CTNNA3: variants seen among roughly 807,000 people sequenced by gnomAD.
CTNNA3 encodes catenin alpha 3.
CTNNA3 carries 76 observed loss-of-function variants against 95.7 expected under a neutral mutation model. The ratio of observed to expected loss-of-function variants is 0.79; its 90% CI spans 0.66 to 0.96. The LOEUF (loss-of-function observed/expected upper bound fraction) is 0.96. CTNNA3 is among the 40% of genes least tolerant of loss of function. CTNNA3 has a pLI of 0.00. For synonymous variants in CTNNA3, 431 were observed against 374.4 expected, an observed-to-expected ratio of 1.15 and a Z score of -1.74; for missense variants, 1,191 against 1,089.8, an observed-to-expected ratio of 1.09 and a Z score of -1.31.
intron 5 of CTNNA3, among the ~76,000 whole-genome samples, chr10:67,476,659 G>A (rs978499550): frequency 9.3e-5 from 14 of 150,238 alleles, no homozygotes; most frequent in African/African-American, 2.7e-4. Context: ...GCACCATGCC[G>A]ATTAAACTTC....
At chr10:67,664,113 T>C (rs925582157) in intron 1 of CTNNA3, among the ~76,000 whole-genome samples, 3 of 152,254 alleles carry the variant, frequency 2.0e-5, no homozygotes, top group Admixed American at 6.5e-5. Flanking sequence ...CAACAATTTA[T>C]TTTTTAAAAT....
chr10:66,730,451 C>A (rs115124701), intron 9 of CTNNA3, among the ~76,000 whole-genome samples: 1 of 152,114 alleles, frequency 6.6e-6, no homozygotes, highest in Non-Finnish European at 1.5e-5. Context: ...TGGAGCCTGT[C>A]GGCATGGGGT....
rs910757905 is a variant in CTNNA3, at chr10:67,371,102, T to G, written c.579+150740A>C. On this transcript the variant is annotated intron_variant, in intron 5 of 17. Coordinates refer to ENST00000433211, the MANE Select transcript of CTNNA3 (RefSeq NM_013266.4). Reference sequence around the variant, plus strand: ...TGGATGGTCTCGATCTCCTGACCTCTTGATCCGCCCGCCTCGGCCTCCCAA... The same window carrying G: ...TGGATGGTCTCGATCTCCTGACCTCGTGATCCGCCCGCCTCGGCCTCCCAA... Among the ~76,000 whole-genome samples the G allele has an allele frequency of 5.3e-5, 8 of 151,506 alleles. No individual in the cohort carries two copies. The South Asian group carries it at 6.2e-4, about 12-fold the overall frequency.
chr10:66,007,951 A>C (rs916540853), intron 15 of CTNNA3, among the ~76,000 whole-genome samples: 3 of 151,752 alleles, frequency 2.0e-5, no homozygotes, highest in Non-Finnish European at 4.4e-5. Flanking sequence ...GTATTAGGCC[A>C]CAGCCTTTTT....
intron 5 of CTNNA3, among the ~76,000 whole-genome samples, chr10:67,390,549 A>G (rs1374652326): frequency 6.6e-6 from 1 of 151,666 alleles, no homozygotes; most frequent in Non-Finnish European, 1.5e-5. Context: ...TCCCTAACTC[A>G]TTTTATGAGG....
At chr10:66,656,927 T>G (rs184788502) in intron 9 of CTNNA3, among the ~76,000 whole-genome samples, 1 of 152,246 alleles carries the variant, frequency 6.6e-6, no homozygotes, top group African/African-American at 2.4e-5. Context: ...CTGCCAAAAT[T>G]GTCATTGTTA....
intron 17 of CTNNA3, among the ~76,000 whole-genome samples, chr10:65,950,186 T>A (rs953298386): frequency 2.0e-5 from 3 of 151,896 alleles, no homozygotes; most frequent in African/African-American, 7.3e-5. Context: ...ACAAACAACC[T>A]CACAGTTTTT....
chr10:67,204,619 A>G (rs949502799), intron 6 of CTNNA3, among the ~76,000 whole-genome samples: 2 of 152,198 alleles, frequency 1.3e-5, no homozygotes, highest in African/African-American at 2.4e-5. Flanking sequence ...TCTAAAACAA[A>G]GTATGTTGAT....
intron 13 of CTNNA3, among the ~76,000 whole-genome samples, chr10:66,166,498 C>CAAAAAA (rs35165850): frequency 1.9e-5 from 2 of 105,202 alleles, no homozygotes; most frequent in Non-Finnish European, 3.9e-5. Context: ...CAGTCTGTCT[C>CAAAAAA]AAAAAAAAAA....
At chr10:66,223,092 A>G (rs1484552377) in intron 13 of CTNNA3, among the ~76,000 whole-genome samples, 1 of 152,166 alleles carries the variant, frequency 6.6e-6, no homozygotes, top group East Asian at 1.9e-4. Context: ...AAACCTTAAC[A>G]AAATGTTTAT....
chr10:66,326,078 C>A (rs532513229), intron 12 of CTNNA3, among the ~76,000 whole-genome samples: 11 of 152,178 alleles, frequency 7.2e-5, no homozygotes, highest in African/African-American at 2.6e-4. Flanking sequence ...TGAACAAGCT[C>A]AATCCAACTA....
intron 5 of CTNNA3, among the ~76,000 whole-genome samples, chr10:67,363,841 C>T (rs1843094366): frequency 6.6e-6 from 1 of 152,134 alleles, no homozygotes; most frequent in African/African-American, 2.4e-5. Context: ...AATAGCCTAC[C>T]AATCAAGAAC....
intron 6 of CTNNA3, among the ~76,000 whole-genome samples, chr10:67,181,045 G>C (rs1020469156): frequency 6.6e-6 from 1 of 152,138 alleles, no homozygotes; most frequent in African/African-American, 2.4e-5. Context: ...CTGAAAGGCT[G>C]TCTTACCCAA....
chr10:67,260,362 T>A (rs969344127), intron 5 of CTNNA3, among the ~76,000 whole-genome samples: 2 of 152,240 alleles, frequency 1.3e-5, no homozygotes, highest in Non-Finnish European at 2.9e-5. Flanking sequence ...TGTTCCTTTA[T>A]AATTAGCCTT....
chr10:66,286,571 G>A (rs1469832667), intron 12 of CTNNA3, among the ~76,000 whole-genome samples: 1 of 152,090 alleles, frequency 6.6e-6, no homozygotes, highest in Non-Finnish European at 1.5e-5. Context: ...TTAGCAAAAT[G>A]CTGCTCAGTA....
At chr10:66,529,537 A>C (rs528842855) in intron 10 of CTNNA3, among the ~76,000 whole-genome samples, 18 of 152,138 alleles carry the variant, frequency 1.2e-4, no homozygotes, top group Non-Finnish European at 1.9e-4. Context: ...TTTACAGAGA[A>C]AAATGACTTC....
chr10:67,095,895 G>T (rs1279015616), intron 7 of CTNNA3, among the ~76,000 whole-genome samples: 1 of 151,700 alleles, frequency 6.6e-6, no homozygotes, highest in Non-Finnish European at 1.5e-5. Context: ...AGTTATCTGG[G>T]CTATTTCATC....
chr10:65,942,982 T>C (rs146235344), intron 17 of CTNNA3, among the ~76,000 whole-genome samples: 103 of 152,204 alleles, frequency 6.8e-4, no homozygotes, highest in African/African-American at 2.5e-3. Context: ...ACTTAAAACA[T>C]TTTCCGATAT....
chr10:67,733,086 A>G (rs914607839), intron 1 of CTNNA3, among the ~76,000 whole-genome samples: 5 of 152,170 alleles, frequency 3.3e-5, no homozygotes, highest in African/African-American at 1.2e-4. Context: ...AAATGTAAAT[A>G]TTTTATCTAT....
Sources: gnomAD v4.1 joint callset for allele counts (sites outside exome capture counted in the v4.1 genomes callset) on GRCh38, gnomAD v4.1.1 for gene constraint, MANE v1.5 for transcripts, NCBI Gene and HGNC (gene_info 2026-07-23, HGNC 2026-07-21) for gene names.